The following MVB12B variants were observed in gnomAD, a reference collection of about 807,000 sequenced individuals.
The protein encoded by MVB12B is ESCRT-I complex subunit MVB12B.
Under a neutral mutation model 41.6 loss-of-function variants are expected in MVB12B, and 16 were observed. The observed-to-expected ratio is 0.38, with a 90% confidence interval of 0.26 to 0.58. The LOEUF (loss-of-function observed/expected upper bound fraction) is 0.58, where lower values mean the gene tolerates loss of function less well. Among genes scored for constraint, MVB12B ranks in the 20% least tolerant of loss-of-function variants. MVB12B has a pLI of 0.62. For missense variants in MVB12B, 274 were observed against 380.2 expected (o/e 0.72, Z 2.32); for synonymous variants, 133 against 139.7 (o/e 0.95, Z 0.34).
In MVB12B at chr9:126,363,133, G is replaced by A. The variant is rs201365484; in HGVS notation, c.205-17931G>A. The stretch of plus-strand genomic sequence containing the variant: ...ACCTGGGAGGTGGAGGTTGCAGTGA[G>A]CCGAGATTACACCATTGCACTCTAG... On this transcript the variant is annotated intron_variant, in intron 2 of 9. Transcript: ENST00000361171. Among the ~76,000 whole-genome samples, 38 of 151,984 alleles carry A rather than the reference G, an allele frequency of 2.5e-4. 2 individuals are homozygous for A. In the East Asian group the frequency reaches 6.6e-3, roughly 26 times the overall value.
chr9:126,369,216 T>G (rs906981055), intron 2 of MVB12B, among the ~76,000 whole-genome samples: 3 of 152,234 alleles, frequency 2.0e-5, no homozygotes, highest in Non-Finnish European at 2.9e-5. Context: ...GAAATTTAAA[T>G]TTCACTGGGT....
At chr9:126,455,652 T>G (rs1318737592) in intron 7 of MVB12B, among the ~76,000 whole-genome samples, 2 of 151,626 alleles carry the variant, frequency 1.3e-5, no homozygotes. Context: ...GCCCAGCTGA[T>G]TTTTTTGATA....
chr9:126,472,183 G>C (rs986409542), intron 7 of MVB12B, among the ~76,000 whole-genome samples: 47 of 152,180 alleles, frequency 3.1e-4, no homozygotes, highest in African/African-American at 1.1e-3. Flanking sequence ...GAGTTGGTCA[G>C]TGGTGGGTTT....
At chr9:126,457,342 C>T (rs1159949373) in intron 7 of MVB12B, among the ~76,000 whole-genome samples, 1 of 152,068 alleles carries the variant, frequency 6.6e-6, no homozygotes, top group African/African-American at 2.4e-5. Context: ...AAAAGTGGGG[C>T]GCCTCTCAGC....
intron 6 of MVB12B, among the ~76,000 whole-genome samples, chr9:126,416,268 G>A (rs887541617): frequency 3.3e-5 from 5 of 152,286 alleles, no homozygotes; most frequent in East Asian, 1.9e-4. Context: ...GCCTGGTTCC[G>A]TGCTGTCAAC....
chr9:126,402,929 G>A (rs1034518844), intron 6 of MVB12B, among the ~76,000 whole-genome samples: 3 of 152,206 alleles, frequency 2.0e-5, no homozygotes, highest in South Asian at 2.1e-4. Context: ...GAATGATCCC[G>A]CTGCGCAAGT....
At chr9:126,430,813 A>T (rs1330652984) in intron 7 of MVB12B, among the ~76,000 whole-genome samples, 1 of 152,348 alleles carries the variant, frequency 6.6e-6, no homozygotes, top group African/African-American at 2.4e-5. Flanking sequence ...TGTGCACTGC[A>T]CAAAATATGT....
At chr9:126,411,188 T>C (rs1220058279) in intron 6 of MVB12B, among the ~76,000 whole-genome samples, 1 of 152,240 alleles carries the variant, frequency 6.6e-6, no homozygotes, top group Non-Finnish European at 1.5e-5. Flanking sequence ...CACCCAGTTA[T>C]TTCTTTTTCA....
At chr9:126,497,324 G>A (rs529011669) in intron 9 of MVB12B, among the ~76,000 whole-genome samples, 2 of 152,244 alleles carry the variant, frequency 1.3e-5, no homozygotes, top group East Asian at 3.9e-4. Flanking sequence ...TGAACCATCT[G>A]GGCGGGCTGT....
chr9:126,433,363 C>T (rs1442432429), intron 7 of MVB12B, among the ~76,000 whole-genome samples: 1 of 147,294 alleles, frequency 6.8e-6, no homozygotes, highest in Non-Finnish European at 1.5e-5. Context: ...CAAAGAACCT[C>T]TGCCTTCATA....
chr9:126,488,414 C>A (rs926283762), intron 9 of MVB12B, among the ~76,000 whole-genome samples: 6 of 151,416 alleles, frequency 4.0e-5, no homozygotes, highest in African/African-American at 1.5e-4. Context: ...GGGCATAGAC[C>A]TTTGACCGTG....
At chr9:126,455,455 G>C (rs1832962915) in intron 7 of MVB12B, among the ~76,000 whole-genome samples, 1 of 151,612 alleles carries the variant, frequency 6.6e-6, no homozygotes, top group African/African-American at 2.4e-5. Flanking sequence ...CAAAGTGCTG[G>C]GATTACAGGT....
chr9:126,327,423 C>T, intron 1 of MVB12B: 1 of 705,666 alleles, frequency 1.4e-6, no homozygotes. Flanking sequence ...CACGTGGGTG[C>T]AGACCAACGT....
chr9:126,399,927 G>A (rs535113222), intron 6 of MVB12B, among the ~76,000 whole-genome samples: 3 of 152,316 alleles, frequency 2.0e-5, no homozygotes, highest in Admixed American at 2.0e-4. Context: ...GATGGGCGCA[G>A]GCGGAGAGGG....
chr9:126,408,035 T>A (rs1831496587), intron 6 of MVB12B: 1 of 152,248 alleles, frequency 6.6e-6, no homozygotes, highest in South Asian at 2.1e-4. Context: ...TAATGCACAT[T>A]GTTATTCTTT....
chr9:126,439,182 C>T (rs1832570398), intron 7 of MVB12B, among the ~76,000 whole-genome samples: 1 of 152,058 alleles, frequency 6.6e-6, no homozygotes, highest in Non-Finnish European at 1.5e-5. Flanking sequence ...TGCCTCTGAG[C>T]AGGCTCTGGA....
In MVB12B at chr9:126,340,520, A is replaced by G; in HGVS notation, c.94A>G (p.Met32Val). 1.2e-6 allele frequency: 2 copies of G among 1,614,132 alleles called. No individual in the cohort carries two copies. Among genetic ancestry groups the G allele is most frequent in the Non-Finnish European group, 8.5e-7 (1 of 1,179,988 alleles). ...TTTGCTGAACCAGGACCAGTCCACC[A>G]TGCCTGAAGTCAAAGACCTCTCAGA... ...PPQRGTDQST[M>V]PEVKDLSEAL... The change falls in exon 2 of 10, where the codon ATG becomes GTG. Residue 32 changes from methionine (M) to valine (V), a missense_variant. By Grantham distance (21) the Met-to-Val change is conservative. Transcript: ENST00000361171. This position sits in a 1 kb window ranked among gnomAD's most constrained non-coding sequence, Gnocchi z 4.0.
chr9:126,365,830 C>T lies in MVB12B; in HGVS notation c.205-15234C>T, dbSNP rs1210906026. Among the ~76,000 whole-genome samples the T allele has an allele frequency of 7.2e-5, 11 of 152,292 alleles. No homozygotes were observed. The South Asian group carries it at 8.3e-4, about 11-fold the overall frequency. ...GCAGTTATTTATTAAGCCCCCACCA[C>T]GGGCCTGTACTGGGTACTGCAAACT... On this transcript the variant is annotated intron_variant, in intron 2 of 9. Transcript: ENST00000361171.
intron 1 of MVB12B, chr9:126,327,286 G>A (rs1411573727): frequency 1.0e-5 from 10 of 985,086 alleles, no homozygotes; most frequent in Non-Finnish European, 1.2e-5. Context: ...GCGCCCCCAA[G>A]GCCCGGGCAG....
Sources: gnomAD v4.1 joint callset for allele counts (sites outside exome capture counted in the v4.1 genomes callset) on GRCh38, gnomAD v4.1.1 for gene constraint, Gnocchi (gnomAD v3.1) non-coding constraint, MANE v1.5 for transcripts, NCBI Gene and HGNC (gene_info 2026-07-23, HGNC 2026-07-21) for gene names.